Variants in FMO4 observed in about 807,000 individuals in gnomAD.
FMO4 encodes flavin containing dimethylaniline monoxygenase 4, also known as dimethylaniline monooxygenase [N-oxide-forming] 4.
FMO4 carries 38 observed loss-of-function variants against 43.3 expected under a neutral mutation model. That is an observed-to-expected ratio of 0.88 (90% CI 0.68 to 1.15). FMO4 has a LOEUF of 1.15. Among genes scored for constraint, FMO4 ranks in the 50% most tolerant of loss-of-function variants. The probability of loss-of-function intolerance (pLI) is 0.00; values close to 1 mark genes in which losing one functional copy is unlikely to be tolerated. For synonymous variants in FMO4, 224 were observed against 232.2 expected (o/e 0.96, Z 0.32); for missense variants, 631 against 663.3 (o/e 0.95, Z 0.54).
In FMO4 at chr1:171,338,881, A is replaced by G. The variant is rs950156231; in HGVS notation, c.1250+1456A>G. Among the ~76,000 whole-genome samples the G allele has an allele frequency of 1.1e-3, 162 of 152,316 alleles. 1 individual carries two copies. The highest frequency in any genetic ancestry group is 3.8e-3 in the African/African-American group (160 of 41,568). On this transcript the variant is annotated intron_variant, in intron 9 of 9. Coordinates refer to ENST00000367749, the MANE Select transcript of FMO4 (RefSeq NM_002022.3). Reference sequence around the variant, plus strand: ...TCACTATTGGATCTCCAGCACCTACAATGGTGCCTGGAATGTGATAGACAC... The same window carrying G: ...TCACTATTGGATCTCCAGCACCTACGATGGTGCCTGGAATGTGATAGACAC...
intron 3 of FMO4, among the ~76,000 whole-genome samples, chr1:171,320,459 T>A (rs1315417025): frequency 6.6e-6 from 1 of 152,156 alleles, no homozygotes; most frequent in Non-Finnish European, 1.5e-5. Context: ...GGGTTCCCTG[T>A]CACATTTTCA....
intron 5 of FMO4, among the ~76,000 whole-genome samples, chr1:171,325,137 T>A (rs1558037375): frequency 6.6e-6 from 1 of 151,980 alleles, no homozygotes; most frequent in Non-Finnish European, 1.5e-5. Context: ...AAATAAATAA[T>A]CATACAACTC....
chr1:171,336,762 C>A (rs1039761417), intron 8 of FMO4, among the ~76,000 whole-genome samples: 1 of 152,036 alleles, frequency 6.6e-6, no homozygotes, highest in Non-Finnish European at 1.5e-5. Flanking sequence ...TGCCACCACA[C>A]CTGGCTAAAT....
At chr1:171,324,007 T>A (rs1170503058) in intron 4 of FMO4, 131 bp from the exon 5 acceptor site, 2 of 748,416 alleles carry the variant, frequency 2.7e-6, no homozygotes, top group African/African-American at 3.5e-5. Flanking sequence ...AGGAAGATGA[T>A]AAATCAATAT....
chr1:171,336,556 A>G (rs1663124953), intron 8 of FMO4, among the ~76,000 whole-genome samples: 1 of 152,132 alleles, frequency 6.6e-6, no homozygotes, highest in Non-Finnish European at 1.5e-5. Context: ...CCTTCCACAC[A>G]TGAGGCTCCT....
intron 2 of FMO4, among the ~76,000 whole-genome samples, chr1:171,316,743 T>C (rs776257519): frequency 1.6e-4 from 24 of 152,106 alleles, no homozygotes; most frequent in Non-Finnish European, 2.9e-4. Context: ...TGAAGCCAGG[T>C]ATGGCAATCT....
intron 5 of FMO4, among the ~76,000 whole-genome samples, chr1:171,331,176 A>G (rs759074035): frequency 6.6e-6 from 1 of 152,186 alleles, no homozygotes; most frequent in Non-Finnish European, 1.5e-5. Flanking sequence ...TACTGTTTTT[A>G]TTTGTTTGTT....
intron 3 of FMO4, among the ~76,000 whole-genome samples, chr1:171,320,844 T>A (rs781323059): frequency 1.7e-4 from 25 of 150,894 alleles, no homozygotes; most frequent in Non-Finnish European, 3.1e-4. Context: ...ACAAAAAAAA[T>A]AAGATGGAAG....
intron 5 of FMO4, among the ~76,000 whole-genome samples, chr1:171,328,120 G>A (rs1164677939): frequency 3.9e-5 from 6 of 151,954 alleles, no homozygotes; most frequent in African/African-American, 1.4e-4. Context: ...AGCTTGCTGC[G>A]ACCTCCACCT....
intron 5 of FMO4, among the ~76,000 whole-genome samples, chr1:171,328,018 C>T (rs898997528): frequency 1.3e-5 from 2 of 152,056 alleles, no homozygotes; most frequent in Admixed American, 6.5e-5. Flanking sequence ...TTACTTACAT[C>T]CCCATTAGAG....
chr1:171,317,790 T>C (rs1011776308), intron 2 of FMO4, among the ~76,000 whole-genome samples: 1 of 152,170 alleles, frequency 6.6e-6, no homozygotes, highest in African/African-American at 2.4e-5. Flanking sequence ...CCTCAACCCA[T>C]GTAATATCCT....
chr1:171,331,584 A>T, intron 5 of FMO4, 56 bp from the exon 6 acceptor site: 1 of 1,548,202 alleles, frequency 6.5e-7, no homozygotes, highest in Middle Eastern at 1.7e-4. Flanking sequence ...ATCCCTGCGT[A>T]GTGAGAAATT....
intron 2 of FMO4, among the ~76,000 whole-genome samples, chr1:171,318,054 G>A (rs756008813): frequency 2.6e-5 from 4 of 152,144 alleles, no homozygotes; most frequent in Middle Eastern, 6.8e-3. Flanking sequence ...GGTGGCTTAC[G>A]TCTGTAATCC....
In FMO4 at chr1:171,314,342, A is replaced by AC. The variant is rs1662113647; in HGVS notation, c.-222_-221insC. 1 of 152,044 alleles carries AC rather than the reference A, an allele frequency of 6.6e-6. No individual in the cohort carries two copies. Among genetic ancestry groups the AC allele is most frequent in the African/African-American group, 2.4e-5 (1 of 41,360 alleles). The allele number at this position is 152,044 out of a possible 1,614,324, so 9.4% of individuals were successfully genotyped here. On this transcript the variant is annotated 5_prime_UTR_variant, in exon 1 of 10. Transcript: ENST00000367749. Reference sequence around the variant, plus strand: ...AATTTGGGTTTTGAGCTTTTTTAAAAAAAAAAGACAAACACTTTCCTTGAC... The same window carrying AC: ...AATTTGGGTTTTGAGCTTTTTTAAAACAAAAAAGACAAACACTTTCCTTGAC...
At chr1:171,340,216 T>A (rs1663313021) in intron 9 of FMO4, among the ~76,000 whole-genome samples, 1 of 152,204 alleles carries the variant, frequency 6.6e-6, no homozygotes. Context: ...TTGTTTTTAT[T>A]TTCCAGAGGG....
intron 9 of FMO4, among the ~76,000 whole-genome samples, chr1:171,338,761 A>C (rs112567490): frequency 2.4e-4 from 36 of 152,304 alleles, no homozygotes; most frequent in Middle Eastern, 3.4e-3. Flanking sequence ...TTACCACCTG[A>C]TATATTACAT....
rs139098584 is a variant in FMO4, at chr1:171,315,877, G to A, written c.-150-309G>A. Among the ~76,000 whole-genome samples, 747 of 152,302 alleles carry A rather than the reference G, an allele frequency of 4.9e-3. 6 individuals are homozygous for A. The highest frequency in any genetic ancestry group is 0.016 in the African/African-American group (683 of 41,564). The stretch of plus-strand genomic sequence containing the variant: ...GACAGGGATAATAAACAGGCCAGGA[G>A]AGTGCAAGCATTCATGCCTAGAGCA... On this transcript the variant is annotated intron_variant, in intron 1 of 9. Coordinates refer to ENST00000367749, the MANE Select transcript of FMO4 (RefSeq NM_002022.3).
At chr1:171,333,898 TG>T (rs1663003015) in intron 7 of FMO4, among the ~76,000 whole-genome samples, 2 of 152,046 alleles carry the variant, frequency 1.3e-5, no homozygotes, top group South Asian at 2.1e-4. Context: ...CTTGGCTCAC[TG>T]CCACCTCTGC....
intron 7 of FMO4, among the ~76,000 whole-genome samples, chr1:171,333,346 C>T (rs1290605837): frequency 6.6e-6 from 1 of 152,128 alleles, no homozygotes; most frequent in Non-Finnish European, 1.5e-5. Flanking sequence ...GCCTTACCCT[C>T]CCAAGTAGCT....
Sources: gnomAD v4.1 joint callset for allele counts (sites outside exome capture counted in the v4.1 genomes callset) on GRCh38, gnomAD v4.1.1 for gene constraint, MANE v1.5 for transcripts, NCBI Gene and HGNC (gene_info 2026-07-23, HGNC 2026-07-21) for gene names.